The following ZNF711 variants were observed in gnomAD, a reference collection of about 807,000 sequenced individuals.
ZNF711 encodes the protein ZFX family zinc finger ZNF711, also known as zinc finger protein 711.
Under a neutral mutation model 43.5 loss-of-function variants are expected in ZNF711, and 3 were observed. The ratio of observed to expected loss-of-function variants is 0.07; its 90% CI spans 0.03 to 0.18. ZNF711 has a LOEUF of 0.18. Ranked by LOEUF, ZNF711 falls within the 10% of genes least tolerant of loss-of-function variation. The pLI, the probability that ZNF711 is intolerant of heterozygous loss-of-function variation, is 1.00. For missense variants in ZNF711, 412 were observed against 604.0 expected, an observed-to-expected ratio of 0.68 and a Z score of 3.33; for synonymous variants, 209 against 207.7, an observed-to-expected ratio of 1.01 and a Z score of -0.06.
At position 85,271,088 on chromosome X, in the gene ZNF711, C is replaced by T; in HGVS notation, c.1684C>T (p.His562Tyr). The stretch of plus-strand genomic sequence containing the variant: ...TGTTGAGTGTGGGAAGGGTTTTCGA[C>T]ATCCTTCTGAACTCAAGAAACATAT... ...VCVECGKGFR[H>Y]PSELKKHMRT... The change falls in exon 11 of 11, where the codon CAT becomes TAT. Residue 562 changes from histidine (H) to tyrosine (Y), a missense_variant. Coordinates refer to ENST00000674551, the MANE Select transcript of ZNF711 (RefSeq NM_001330574.2). 8.3e-7 allele frequency: 1 copy of T among 1,211,073 alleles called. No individual in the cohort carries two copies. Among genetic ancestry groups the T allele is most frequent in the Non-Finnish European group, 1.1e-6 (1 of 895,227 alleles).
chrX:85,247,709 A>T (rs1456874782), intron 4 of ZNF711, 58 bp downstream of exon 4: 10 of 970,041 alleles, frequency 1.0e-5, no homozygotes, highest in Non-Finnish European at 1.5e-5. Context: ...GATAATAAAA[A>T]TCAAAAATAA....
chrX:85,253,600 A>G (rs775359981), intron 4 of ZNF711, among the ~76,000 whole-genome samples: 14 of 111,064 alleles, frequency 1.3e-4, no homozygotes, highest in Non-Finnish European at 2.1e-4. Context: ...TAGACTACAG[A>G]CCTAATTCAG....
intron 10 of ZNF711, 124 bp downstream of exon 10, chrX:85,270,270 A>G: frequency 5.9e-6 from 4 of 676,921 alleles, no homozygotes; most frequent in East Asian, 3.7e-5. Context: ...TGTGTATGCT[A>G]TAGATAATTG....
At chrX:85,268,265 G>C in intron 8 of ZNF711, 29 bp from the exon 9 acceptor site, 1 of 972,025 alleles carries the variant, frequency 1.0e-6, no homozygotes, top group Admixed American at 2.6e-5. Context: ...GTTTGTAATT[G>C]GTCTTTTTTT....
chrX:85,252,386 C>G (rs1381525007), intron 4 of ZNF711, among the ~76,000 whole-genome samples: 3 of 111,570 alleles, frequency 2.7e-5, no homozygotes, highest in East Asian at 5.6e-4. Flanking sequence ...AACCAAGTCC[C>G]CACTAGCATT....
At chrX:85,263,405 A>G (rs1009507755) in intron 5 of ZNF711, among the ~76,000 whole-genome samples, 2 of 111,431 alleles carry the variant, frequency 1.8e-5, no homozygotes, top group African/African-American at 3.2e-5. Context: ...CCTTACATAT[A>G]ATTTTGAAAT....
chrX:85,245,536 A>G (rs1928966624), intron 1 of ZNF711, among the ~76,000 whole-genome samples: 1 of 112,519 alleles, frequency 8.9e-6, no homozygotes, highest in African/African-American at 3.2e-5. Flanking sequence ...ATGTGTTGTA[A>G]TTTTTACACT....
intron 5 of ZNF711, among the ~76,000 whole-genome samples, chrX:85,258,387 G>T (rs1778678763): frequency 9.0e-6 from 1 of 110,739 alleles, no homozygotes; most frequent in South Asian, 3.9e-4. Flanking sequence ...AGGGTTGTGG[G>T]TGGTGAAGGA....
chrX:85,248,070 A>G, intron 4 of ZNF711, among the ~76,000 whole-genome samples: 1 of 110,172 alleles, frequency 9.1e-6, no homozygotes, highest in South Asian at 4.0e-4. Context: ...AGATGCTTAT[A>G]TAGTGATATG....
chrX:85,256,076 T>TA (rs1443618852), intron 5 of ZNF711, among the ~76,000 whole-genome samples: 1 of 111,547 alleles, frequency 9.0e-6, no homozygotes, highest in Non-Finnish European at 1.9e-5. Flanking sequence ...CATTAACTGA[T>TA]ACAAAATTTT....
chrX:85,266,482 A>C (rs1475132193), intron 7 of ZNF711, among the ~76,000 whole-genome samples: 1 of 110,866 alleles, frequency 9.0e-6, no homozygotes, highest in African/African-American at 3.3e-5. Flanking sequence ...GAGAAGACAA[A>C]CTTGGGAGAA....
intron 10 of ZNF711, 139 bp from the exon 11 acceptor site, chrX:85,270,512 T>C: frequency 5.1e-6 from 3 of 591,428 alleles, no homozygotes. Flanking sequence ...GCTTTTATTA[T>C]GTATTTTTTA....
intron 5 of ZNF711, among the ~76,000 whole-genome samples, chrX:85,262,441 T>C (rs1414209955): frequency 2.7e-5 from 3 of 110,718 alleles, no homozygotes; most frequent in Non-Finnish European, 5.7e-5. Context: ...AGTTTGTATT[T>C]TGGACACTTT....
At chrX:85,269,979 T>A in intron 9 of ZNF711, 24 bp from the exon 10 acceptor site, 1 of 1,207,309 alleles carries the variant, frequency 8.3e-7, no homozygotes, top group South Asian at 1.8e-5. Flanking sequence ...TGTGATTTAA[T>A]GATGTTTCAA....
intron 4 of ZNF711, among the ~76,000 whole-genome samples, chrX:85,253,854 T>G (rs1161899102): frequency 2.7e-5 from 3 of 111,526 alleles, no homozygotes; most frequent in East Asian, 5.6e-4. Flanking sequence ...TTTATTGTTT[T>G]GAGATAATAT....
intron 4 of ZNF711, 147 bp downstream of exon 4, chrX:85,247,798 C>T: frequency 5.9e-6 from 3 of 509,209 alleles, no homozygotes; most frequent in Non-Finnish European, 9.9e-6. Context: ...TCTCATAAAG[C>T]TGTGTGTCAG....
At chrX:85,246,549 T>G (rs1414105320) in intron 2 of ZNF711, among the ~76,000 whole-genome samples, 1 of 112,252 alleles carries the variant, frequency 8.9e-6, no homozygotes, top group Non-Finnish European at 1.9e-5. Context: ...AGGTTGCAGC[T>G]TTATCTGTTG....
chrX:85,248,808 T>C (rs981149851), intron 4 of ZNF711, among the ~76,000 whole-genome samples: 1 of 111,985 alleles, frequency 8.9e-6, no homozygotes. Flanking sequence ...CTTTGCTAAG[T>C]TAAGAAAATG....
chrX:85,258,778 T>C (rs936946520), intron 5 of ZNF711, among the ~76,000 whole-genome samples: 1 of 110,333 alleles, frequency 9.1e-6, no homozygotes, highest in Non-Finnish European at 1.9e-5. Flanking sequence ...GCTTGCTGAT[T>C]TAAGTTCTTT....
Sources: gnomAD v4.1 joint callset for allele counts (sites outside exome capture counted in the v4.1 genomes callset) on GRCh38, gnomAD v4.1.1 for gene constraint, MANE v1.5 for transcripts, NCBI Gene and HGNC (gene_info 2026-07-23, HGNC 2026-07-21) for gene names.